The following FAF1 variants were observed in gnomAD, a reference collection of about 807,000 sequenced individuals.
FAF1 encodes the protein Fas associated factor 1.
FAF1 carries 25 observed loss-of-function variants against 92.5 expected under a neutral mutation model. That is an observed-to-expected ratio of 0.27 (90% CI 0.20 to 0.38). The LOEUF is 0.38. FAF1 is among the 10% of genes least tolerant of loss of function. FAF1 has a pLI of 1.00. For synonymous variants in FAF1, 234 were observed against 273.2 expected (o/e 0.86, Z 1.42); for missense variants, 636 against 793.3 (o/e 0.80, Z 2.38).
At chr1:50,515,984 C>T (rs1218508064) in intron 15 of FAF1, among the ~76,000 whole-genome samples, 2 of 152,030 alleles carry the variant, frequency 1.3e-5, no homozygotes, top group Non-Finnish European at 2.9e-5. Context: ...ATAATATTTC[C>T]TGATTATTTA....
rs980357346 is a variant in FAF1, at chr1:50,634,245, C to CA, written c.744+21196dup. On this transcript the variant is annotated intron_variant, in intron 8 of 18. Coordinates refer to ENST00000396153, the MANE Select transcript of FAF1 (RefSeq NM_007051.3). ...TAAGCACCCCTCTATTTTTGCACAT[C>CA]AAAAAAAAAAAGAATTTCTGTTACC... Among the ~76,000 whole-genome samples, 526 of 139,882 alleles carry CA rather than the reference C, an allele frequency of 3.8e-3. 2 individuals are homozygous for CA. Among genetic ancestry groups the CA allele is most frequent in the African/African-American group, 0.011 (406 of 38,272 alleles). 91.8% of individuals were successfully genotyped at this position (139,882 alleles called of 152,430 possible). A position where few individuals can be genotyped will look rare whatever the true frequency, so the allele number is the denominator to read the frequency against.
At chr1:50,714,676 CAA>C (rs1201287170) in intron 6 of FAF1, among the ~76,000 whole-genome samples, 5 of 152,314 alleles carry the variant, frequency 3.3e-5, no homozygotes, top group Admixed American at 1.3e-4. Context: ...CCCAGCCACT[CAA>C]GAGACTGGAT....
intron 8 of FAF1, among the ~76,000 whole-genome samples, chr1:50,649,208 T>G (rs1412492712): frequency 1.3e-5 from 2 of 151,738 alleles, no homozygotes; most frequent in Admixed American, 6.6e-5. Context: ...CAGGCTGGAG[T>G]GCAATGGCGC....
chr1:50,918,429 G>A (rs1487555818), intron 1 of FAF1, among the ~76,000 whole-genome samples: 12 of 81,288 alleles, frequency 1.5e-4, no homozygotes, highest in African/African-American at 5.5e-4. Flanking sequence ...ACCTATGAGT[G>A]AGAATATGCG....
At chr1:50,734,564 C>T (rs1045709364) in intron 6 of FAF1, among the ~76,000 whole-genome samples, 1 of 151,942 alleles carries the variant, frequency 6.6e-6, no homozygotes, top group Non-Finnish European at 1.5e-5. Flanking sequence ...GAAACCCTGT[C>T]TCTACTAAAT....
At chr1:50,836,396 AC>A in intron 2 of FAF1, among the ~76,000 whole-genome samples, 1 of 151,412 alleles carries the variant, frequency 6.6e-6, no homozygotes, top group Non-Finnish European at 1.5e-5. Flanking sequence ...ACTGTAGGAA[AC>A]AAAATAATAA....
At chr1:50,587,120 T>C (rs1268956961) in intron 9 of FAF1, among the ~76,000 whole-genome samples, 1 of 152,212 alleles carries the variant, frequency 6.6e-6, no homozygotes, top group African/African-American at 2.4e-5. Flanking sequence ...CTTTCTATAC[T>C]TACCCCTTTT....
intron 8 of FAF1, among the ~76,000 whole-genome samples, chr1:50,642,718 TTAA>T: frequency 7.1e-6 from 1 of 141,596 alleles, no homozygotes; most frequent in East Asian, 1.9e-4. Flanking sequence ...AAGTTCATTT[TTAA>T]TAATCTTTTC....
intron 15 of FAF1, among the ~76,000 whole-genome samples, chr1:50,525,394 G>A (rs987366363): frequency 1.3e-5 from 2 of 152,106 alleles, no homozygotes. Flanking sequence ...CAATAGATTC[G>A]TATGGGTTAA....
chr1:50,507,782 T>C (rs1170356565), intron 15 of FAF1, among the ~76,000 whole-genome samples: 1 of 152,172 alleles, frequency 6.6e-6, no homozygotes, highest in Non-Finnish European at 1.5e-5. Context: ...GAAAGGTTTT[T>C]AAAAAATTTT....
chr1:50,620,988 G>A (rs1447896530), intron 8 of FAF1, among the ~76,000 whole-genome samples: 1 of 152,238 alleles, frequency 6.6e-6, no homozygotes, highest in African/African-American at 2.4e-5. Context: ...GCTGGAGCAG[G>A]GAGATATGCC....
intron 15 of FAF1, among the ~76,000 whole-genome samples, chr1:50,510,268 G>T (rs755654946): frequency 3.9e-5 from 6 of 151,980 alleles, no homozygotes; most frequent in Admixed American, 1.3e-4. Flanking sequence ...ACTATGGCAT[G>T]TAATTGATGA....
intron 4 of FAF1, among the ~76,000 whole-genome samples, chr1:50,786,705 G>A (rs1309407171): frequency 6.6e-6 from 1 of 152,120 alleles, no homozygotes; most frequent in African/African-American, 2.4e-5. Context: ...CAAGTATAAA[G>A]GCCCAGACCT....
intron 17 of FAF1, among the ~76,000 whole-genome samples, chr1:50,476,237 A>G (rs1646638245): frequency 6.6e-6 from 1 of 152,248 alleles, no homozygotes; most frequent in Non-Finnish European, 1.5e-5. Context: ...ACTGAATTGT[A>G]TACTTAAGAA....
At chr1:50,576,924 C>A (rs1650773795) in intron 12 of FAF1, among the ~76,000 whole-genome samples, 1 of 151,812 alleles carries the variant, frequency 6.6e-6, no homozygotes, top group Non-Finnish European at 1.5e-5. Context: ...ACCTTGGCCC[C>A]TCGAAGTGTT....
At chr1:50,774,100 T>C (rs1033240730) in intron 4 of FAF1, among the ~76,000 whole-genome samples, 2 of 152,232 alleles carry the variant, frequency 1.3e-5, no homozygotes, top group Non-Finnish European at 2.9e-5. Context: ...ACACAATTGA[T>C]GGCACGGAGG....
At chr1:50,786,916 T>G (rs1178090766) in intron 4 of FAF1, among the ~76,000 whole-genome samples, 1 of 152,174 alleles carries the variant, frequency 6.6e-6, no homozygotes, top group Non-Finnish European at 1.5e-5. Flanking sequence ...TGAGTAGTGT[T>G]TGGGAATGAA....
At chr1:50,673,264 AAAAAG>A (rs1326721007) in intron 7 of FAF1, among the ~76,000 whole-genome samples, 2 of 152,064 alleles carry the variant, frequency 1.3e-5, no homozygotes, top group Non-Finnish European at 2.9e-5. Flanking sequence ...CTCAAAAAAA[AAAAAG>A]AAAAGAAAAA....
In FAF1 at chr1:50,921,222, G is replaced by A. The variant is rs1644960441; in HGVS notation, c.45+38545C>T. Reference sequence around the variant, plus strand: ...TGGGTGAGCCATCACAGGGCCTAGGGACCGACCTGCCCCACCTGCAGTAGC... The same window carrying A: ...TGGGTGAGCCATCACAGGGCCTAGGAACCGACCTGCCCCACCTGCAGTAGC... On this transcript the variant is annotated intron_variant, in intron 1 of 18. Coordinates refer to ENST00000396153, the MANE Select transcript of FAF1 (RefSeq NM_007051.3). 1.3e-5 allele frequency among the ~76,000 whole-genome samples: 2 copies of A among 152,190 alleles called. 1 individual carries two copies. The highest frequency in any genetic ancestry group is 1.3e-4 in the Admixed American group (2 of 15,280).
Sources: gnomAD v4.1 joint callset for allele counts (sites outside exome capture counted in the v4.1 genomes callset) on GRCh38, gnomAD v4.1.1 for gene constraint, MANE v1.5 for transcripts, NCBI Gene and HGNC (gene_info 2026-07-23, HGNC 2026-07-21) for gene names.